The following NFKB1 variants were observed in gnomAD, a reference collection of about 807,000 sequenced individuals.
NFKB1 encodes nuclear factor kappa B subunit 1, also known as nuclear factor NF-kappa-B p105 subunit.
NFKB1 carries 9 observed loss-of-function variants against 105.1 expected under a neutral mutation model. That is an observed-to-expected ratio of 0.09 (90% CI 0.05 to 0.15). The LOEUF is 0.15. Among genes scored for constraint, NFKB1 ranks in the 10% least tolerant of loss-of-function variants. NFKB1 has a pLI of 1.00. For missense variants in NFKB1, 830 were observed against 1,203.7 expected (o/e 0.69, Z 4.59); for synonymous variants, 440 against 442.2 (o/e 1.00, Z 0.06).
intron 4 of NFKB1, among the ~76,000 whole-genome samples, chr4:102,534,482 A>G (rs1741508655): frequency 6.6e-6 from 1 of 152,188 alleles, no homozygotes; most frequent in South Asian, 2.1e-4. Context: ...CCTTACCACT[A>G]GAGTCTGTAG....
At chr4:102,565,623 T>C (rs1723801431) in intron 5 of NFKB1, among the ~76,000 whole-genome samples, 1 of 152,156 alleles carries the variant, frequency 6.6e-6, no homozygotes, top group Non-Finnish European at 1.5e-5. Flanking sequence ...GTTTATATCA[T>C]TAGGACTTCC....
intron 17 of NFKB1, among the ~76,000 whole-genome samples, chr4:102,606,946 G>A (rs929799924): frequency 1.4e-4 from 21 of 152,200 alleles, no homozygotes; most frequent in African/African-American, 3.6e-4. Flanking sequence ...ACAAAGCGTC[G>A]TTTATTCAGA....
intron 10 of NFKB1, among the ~76,000 whole-genome samples, chr4:102,583,825 TATTC>T (rs1725503018): frequency 6.7e-6 from 1 of 150,200 alleles, no homozygotes; most frequent in Non-Finnish European, 1.5e-5. Flanking sequence ...ACAATCCAGA[TATTC>T]ATCAGTAAGT....
chr4:102,576,602 A>G (rs532907885), intron 6 of NFKB1, among the ~76,000 whole-genome samples: 1 of 152,304 alleles, frequency 6.6e-6, no homozygotes, highest in South Asian at 2.1e-4. Context: ...GAGTCCAATT[A>G]TATATTTCGC....
chr4:102,551,294 G>A (rs1722556125), intron 5 of NFKB1, among the ~76,000 whole-genome samples: 1 of 151,804 alleles, frequency 6.6e-6, no homozygotes, highest in Non-Finnish European at 1.5e-5. Context: ...GAGTAATCAG[G>A]GTATTACTCA....
intron 5 of NFKB1, among the ~76,000 whole-genome samples, chr4:102,541,721 CATTT>C (rs1742010543): frequency 6.6e-6 from 1 of 152,110 alleles, no homozygotes. Flanking sequence ...AGAGGGAGAG[CATTT>C]ACATTTACAG....
rs761899477 is a variant in NFKB1, at chr4:102,567,135, G to A, written c.407G>A (p.Gly136Asp). Residue 136 changes from glycine to aspartate, a missense_variant and splice_region_variant, in exon 6 of 24, where the codon GGC becomes GAC. Gly to Asp is a moderately conservative substitution (Grantham distance 94). Transcript: ENST00000226574. ...VTAGPKDMVVGFANLGILHVT... is the reference protein window; with the variant it reads ...VTAGPKDMVVDFANLGILHVT... ...GCTGGACCCAAGGACATGGTGGTCGGGTAAGTAGGGGTATATGATGCTGTG... is the reference window on the plus strand; with the variant it reads ...GCTGGACCCAAGGACATGGTGGTCGAGTAAGTAGGGGTATATGATGCTGTG... 1.9e-6 allele frequency: 3 copies of A among 1,613,176 alleles called. No homozygotes were observed. The highest frequency in any genetic ancestry group is 2.7e-5 in the African/African-American group (2 of 74,898).
chr4:102,592,174 A>G (rs1295952100), intron 11 of NFKB1, among the ~76,000 whole-genome samples: 1 of 152,252 alleles, frequency 6.6e-6, no homozygotes, highest in Non-Finnish European at 1.5e-5. Context: ...GTTTCTTGAG[A>G]TAGAATCTAC....
chr4:102,502,390 G>GCGCGCACACGCACACACACACA (rs1311577382), intron 1 of NFKB1, among the ~76,000 whole-genome samples: 1 of 105,392 alleles, frequency 9.5e-6, no homozygotes, highest in African/African-American at 4.2e-5. Context: ...GCGCGCGCGC[G>GCGCGCACACGCACACACACACA]CACACACACA....
intron 5 of NFKB1, among the ~76,000 whole-genome samples, chr4:102,545,858 T>A (rs978484372): frequency 6.6e-6 from 1 of 152,174 alleles, no homozygotes; most frequent in African/African-American, 2.4e-5. Context: ...TGAATAGATA[T>A]TCAATGTATA....
At chr4:102,611,804 T>C (rs2149229611) in intron 20 of NFKB1, among the ~76,000 whole-genome samples, 2 of 152,344 alleles carry the variant, frequency 1.3e-5, no homozygotes, top group South Asian at 4.1e-4. Flanking sequence ...TTGGGTATTC[T>C]GACCCAGCTC....
chr4:102,586,077 G>T (rs1276967040), intron 11 of NFKB1, among the ~76,000 whole-genome samples: 1 of 152,132 alleles, frequency 6.6e-6, no homozygotes, highest in African/African-American at 2.4e-5. Context: ...CACCACTGAG[G>T]GTACCATTTA....
intron 21 of NFKB1, 24 bp downstream of exon 21, chr4:102,612,134 C>T: frequency 1.3e-6 from 2 of 1,594,578 alleles, no homozygotes; most frequent in Non-Finnish European, 1.7e-6. Context: ...AAACCAGATT[C>T]TCTTAACCAT....
intron 23 of NFKB1, among the ~76,000 whole-genome samples, chr4:102,615,256 T>C (rs4648133): frequency 0.27 from 40,905 of 152,184 alleles, 6,351 homozygotes; most frequent in East Asian, 0.42. Flanking sequence ...TGTCCCTGCT[T>C]TACTCGTTTG....
chr4:102,578,779 G>T (rs777543453), intron 7 of NFKB1, 102 bp from the exon 8 acceptor site: 18 of 1,232,066 alleles, frequency 1.5e-5, no homozygotes, highest in Non-Finnish European at 1.8e-5. Context: ...AGGAAAAATG[G>T]GTTTTTATTG....
intron 16 of NFKB1, 118 bp from the exon 17 acceptor site, chr4:102,606,378 G>A (rs977339402): frequency 2.1e-6 from 2 of 956,500 alleles, no homozygotes; most frequent in African/African-American, 1.6e-5. Flanking sequence ...AGTTAATCTG[G>A]GAATGAGAAA....
At chr4:102,527,460 G>A (rs1014124619) in intron 2 of NFKB1, among the ~76,000 whole-genome samples, 4 of 152,132 alleles carry the variant, frequency 2.6e-5, no homozygotes, top group Non-Finnish European at 4.4e-5. Flanking sequence ...GAAATTACAC[G>A]TGCAAAGAAT....
At chr4:102,575,179 G>A (rs1341545718) in intron 6 of NFKB1, among the ~76,000 whole-genome samples, 4 of 152,150 alleles carry the variant, frequency 2.6e-5, no homozygotes, top group Non-Finnish European at 5.9e-5. Flanking sequence ...GTCAGGCATT[G>A]TTCTAGGGAC....
chr4:102,564,699 A>G (rs1465240066), intron 5 of NFKB1, among the ~76,000 whole-genome samples: 1 of 152,214 alleles, frequency 6.6e-6, no homozygotes, highest in Admixed American at 6.5e-5. Context: ...ACCAGAGACT[A>G]ATTGCCTCAT....
Sources: allele counts gnomAD v4.1 joint callset (sites outside exome capture counted in the v4.1 genomes callset), GRCh38; gene constraint gnomAD v4.1.1; transcripts MANE v1.5; gene names NCBI Gene and HGNC (gene_info 2026-07-23, HGNC 2026-07-21).